Variants in TRPV3 observed in about 807,000 individuals in gnomAD.
TRPV3 encodes the protein transient receptor potential cation channel subfamily V member 3, also known as VRL-3.
TRPV3 carries 88 observed loss-of-function variants against 87.1 expected under a neutral mutation model. That is an observed-to-expected ratio of 1.01 (90% CI 0.85 to 1.21). TRPV3 has a LOEUF of 1.21. Ranked by LOEUF, TRPV3 falls within the 50% of genes most tolerant of loss-of-function variation. The probability of loss-of-function intolerance (pLI) is 0.00; values close to 1 mark genes in which losing one functional copy is unlikely to be tolerated. For missense variants in TRPV3, 1,054 were observed against 1,030.1 expected (o/e 1.02, Z -0.32); for synonymous variants, 438 against 423.3 (o/e 1.03, Z -0.43).
intron 5 of TRPV3, 138 bp from the exon 6 acceptor site, chr17:3,542,836 C>G (rs1274252970): frequency 2.3e-6 from 2 of 857,722 alleles, no homozygotes; most frequent in Admixed American, 2.9e-5. Flanking sequence ...TACACTTGGC[C>G]GCTCTCCTCC....
intron 2 of TRPV3, among the ~76,000 whole-genome samples, chr17:3,547,858 C>T (rs191984373): frequency 8.4e-4 from 128 of 152,298 alleles, no homozygotes; most frequent in Non-Finnish European, 1.4e-3. Flanking sequence ...AGACATACAC[C>T]CGTGATGTGA....
rs766483630 is a variant in TRPV3, at chr17:3,518,841, G to A, written c.1820C>T (p.Ser607Leu). Residue 607 changes from serine to leucine, a missense_variant, in exon 15 of 18, where the codon TCG becomes TTG. Ser to Leu is a moderately radical substitution (Grantham distance 145). Coordinates refer to ENST00000576742, the MANE Select transcript of TRPV3 (RefSeq NM_145068.4). This position sits in a 1 kb window ranked among gnomAD's most constrained non-coding sequence, Gnocchi z 4.3. ...GTCTTTGGGACACTTCTCGATCAGC[G>A]AGGCCAAGGCTAAGGGAACATAACA... ...FLLGFGVALA[S>L]LIEKCPKDNK... 59 of 1,613,448 alleles carry A rather than the reference G, an allele frequency of 3.7e-5. No individual in the cohort carries two copies. Among genetic ancestry groups the A allele is most frequent in the Admixed American group, 5.0e-5 (3 of 59,998 alleles).
chr17:3,539,488 C>A (rs1274638574), intron 6 of TRPV3: 5 of 151,918 alleles, frequency 3.3e-5, no homozygotes, highest in Admixed American at 3.3e-4. Flanking sequence ...CCTATCCCTG[C>A]AACAAATAGA....
rs2074645733 is a variant in TRPV3 at position 3,557,653 on chromosome 17, T to A, written c.-3+23A>T. The A allele has an allele frequency of 6.6e-6, 1 of 152,050 alleles. No individual in the cohort carries two copies. The highest frequency in any genetic ancestry group is 2.4e-5 in the African/African-American group (1 of 41,356). 9.4% of individuals were successfully genotyped at this position (152,050 alleles called of 1,614,324 possible). A position where few individuals can be genotyped will look rare whatever the true frequency, so the allele number is the denominator to read the frequency against. Reference sequence around the variant, plus strand: ...CCCAGGGGCCTTGGAGATCACCAGCTGCCTTGTGCACAGAAGACTCACCTG... The same window carrying A: ...CCCAGGGGCCTTGGAGATCACCAGCAGCCTTGTGCACAGAAGACTCACCTG... On this transcript the variant is annotated intron_variant, in intron 1 of 17. Transcript: ENST00000576742. This position sits in a 1 kb window ranked among gnomAD's most constrained non-coding sequence, Gnocchi z 4.5.
intron 4 of TRPV3, among the ~76,000 whole-genome samples, chr17:3,544,003 GTTTC>G (rs1237997621): frequency 6.6e-6 from 1 of 151,538 alleles, no homozygotes; most frequent in Non-Finnish European, 1.5e-5. Context: ...GTCTCCTTTT[GTTTC>G]TTTTTTCTTT....
In TRPV3 at chr17:3,554,824, C is replaced by T. The variant is rs1005006733; in HGVS notation, c.27G>A (p.Val9=). The change falls in exon 2 of 18, where the codon GTG becomes GTA. Residue 9 remains valine (V), a synonymous_variant. Transcript: ENST00000576742. ...CAGCAACTCTCTTGCCCATGAGAGG[C>T]ACCATCTCCTTGGGGTGGGCTTTCA... The part of the protein sequence containing the change: MKAHPKEM[V]PLMGKRVAAP... The T allele has an allele frequency of 1.2e-6, 2 of 1,612,434 alleles. No individual in the cohort carries two copies. Among genetic ancestry groups the T allele is most frequent in the South Asian group, 1.1e-5 (1 of 90,770 alleles).
At chr17:3,551,569 G>T (rs939802315) in intron 2 of TRPV3, among the ~76,000 whole-genome samples, 3 of 152,238 alleles carry the variant, frequency 2.0e-5, no homozygotes, top group African/African-American at 7.2e-5. Context: ...CCAGGGCTGG[G>T]AAGGAGATTG....
intron 12 of TRPV3, among the ~76,000 whole-genome samples, chr17:3,524,983 T>G (rs2074282710): frequency 6.6e-6 from 1 of 151,746 alleles, no homozygotes; most frequent in African/African-American, 2.4e-5. Flanking sequence ...ATAGCAAAAG[T>G]CCCCCAAACC....
At chr17:3,523,825 A>T (rs1407094068) in intron 13 of TRPV3, among the ~76,000 whole-genome samples, 1 of 152,150 alleles carries the variant, frequency 6.6e-6, no homozygotes, top group African/African-American at 2.4e-5. Context: ...TGTGTGATAC[A>T]CATCGTTTAT....
intron 17 of TRPV3, 25 bp from the exon 18 acceptor site, chr17:3,514,036 T>TC: frequency 1.3e-6 from 2 of 1,552,390 alleles, no homozygotes; most frequent in Non-Finnish European, 1.8e-6. Context: ...AATATATATT[T>TC]TAGAAATATA....
In TRPV3 at chr17:3,528,524, C is replaced by G. The variant is rs1273910479; in HGVS notation, c.1401+313G>C. Reference sequence around the variant, plus strand: ...GGAGAGCTTATCCTCCTCCCGTTTCCTGCAGCCCTCACAGCAGAAACACCC... The same window carrying G: ...GGAGAGCTTATCCTCCTCCCGTTTCGTGCAGCCCTCACAGCAGAAACACCC... On this transcript the variant is annotated intron_variant, in intron 10 of 17. Transcript: ENST00000576742. The surrounding 1 kb of genome is among the most constrained non-coding windows in gnomAD (Gnocchi z 4.2). Among the ~76,000 whole-genome samples the G allele has an allele frequency of 6.6e-6, 1 of 152,214 alleles. No homozygotes were observed. Among genetic ancestry groups the G allele is most frequent in the African/African-American group, 2.4e-5 (1 of 41,454 alleles).
At chr17:3,555,300 C>T (rs1438489503) in intron 1 of TRPV3, among the ~76,000 whole-genome samples, 1 of 152,226 alleles carries the variant, frequency 6.6e-6, no homozygotes, top group Non-Finnish European at 1.5e-5. Flanking sequence ...TGAGGTCCCT[C>T]TCCGATTTTG....
intron 17 of TRPV3, 69 bp downstream of exon 17, chr17:3,514,524 A>C (rs1177553417): frequency 1.7e-6 from 2 of 1,152,686 alleles, no homozygotes; most frequent in Non-Finnish European, 2.6e-6. Context: ...GGACCCTTAG[A>C]CTTGATCTGC....
Position 3,526,806 on chromosome 17 carries a change from C to T in TRPV3, c.1577+48G>A, listed in dbSNP as rs373892851. ...CGGACACGGCAGCCACCATACAGGA[C>T]GTCAACCCTGCCTGTGAGGCGATAA... On this transcript the variant is annotated intron_variant, in intron 12 of 17. Transcript: ENST00000576742. 6.8e-5 allele frequency: 101 copies of T among 1,494,388 alleles called. No individual in the cohort carries two copies. In the Middle Eastern group the frequency reaches 1.0e-3, roughly 15 times the overall value. The allele number at this position is 1,494,388 out of a possible 1,614,324, so 92.6% of individuals were successfully genotyped here.
chr17:3,523,666 C>T (rs1177049271), intron 13 of TRPV3, among the ~76,000 whole-genome samples: 14 of 146,594 alleles, frequency 9.6e-5, no homozygotes, highest in Admixed American at 7.8e-4. Context: ...TGCAGGGAGC[C>T]GAGATCGCAC....
intron 16 of TRPV3, 124 bp downstream of exon 16, chr17:3,516,333 A>G: frequency 1.3e-6 from 1 of 756,810 alleles, no homozygotes; most frequent in South Asian, 1.7e-5. Flanking sequence ...GGCCACTGGA[A>G]GAGACAGTAG....
intron 7 of TRPV3, 147 bp downstream of exon 7, chr17:3,535,426 C>G: frequency 1.4e-6 from 1 of 734,732 alleles, no homozygotes; most frequent in Non-Finnish European, 1.9e-6. Flanking sequence ...TTCCCCCTCC[C>G]TTCCTCCCTC....
chr17:3,538,248 T>C (rs868092114), intron 6 of TRPV3, among the ~76,000 whole-genome samples: 2 of 151,902 alleles, frequency 1.3e-5, no homozygotes, highest in African/African-American at 4.8e-5. Context: ...TACAAGCGCC[T>C]ATGAATCAAT....
chr17:3,519,727 T>TGGAC (rs2074224008), intron 14 of TRPV3, among the ~76,000 whole-genome samples: 1 of 148,002 alleles, frequency 6.8e-6, no homozygotes, highest in South Asian at 2.2e-4. Context: ...GATGGATGGA[T>TGGAC]GGATGGATGG....
Sources: gnomAD v4.1 joint callset for allele counts (sites outside exome capture counted in the v4.1 genomes callset) on GRCh38, gnomAD v4.1.1 for gene constraint, Gnocchi (gnomAD v3.1) non-coding constraint, MANE v1.5 for transcripts, NCBI Gene and HGNC (gene_info 2026-07-23, HGNC 2026-07-21) for gene names.